TTC28: variants seen among roughly 807,000 people sequenced by gnomAD.
The protein encoded by TTC28 is tetratricopeptide repeat protein 28.
A neutral mutation model predicts 198.0 loss-of-function variants in TTC28; 61 were observed. The ratio of observed to expected loss-of-function variants is 0.31; its 90% confidence interval spans 0.25 to 0.38. The LOEUF (loss-of-function observed/expected upper bound fraction) is 0.38, where lower values mean the gene tolerates loss of function less well. Among genes scored for constraint, TTC28 ranks in the 10% least tolerant of loss-of-function variants. The pLI, the probability that TTC28 is intolerant of heterozygous loss-of-function variation, is 1.00. For synonymous variants in TTC28, 1,171 were observed against 1,297.8 expected (o/e 0.90, Z 2.10); for missense variants, 2,678 against 3,164.0 (o/e 0.85, Z 3.69).
intron 2 of TTC28, among the ~76,000 whole-genome samples, chr22:28,308,756 T>C (rs952775371): frequency 2.6e-5 from 4 of 152,194 alleles, no homozygotes; most frequent in Non-Finnish European, 4.4e-5. Flanking sequence ...CTTGGTTTCC[T>C]TTCTTCAAGA....
intron 17 of TTC28, among the ~76,000 whole-genome samples, chr22:27,995,774 G>C (rs1185835072): frequency 6.6e-6 from 1 of 152,196 alleles, no homozygotes; most frequent in East Asian, 1.9e-4. Flanking sequence ...AAGCTGCTAG[G>C]TTGTGGGTCA....
intron 12 of TTC28, among the ~76,000 whole-genome samples, chr22:28,051,934 G>A (rs1940103046): frequency 6.6e-6 from 1 of 152,040 alleles, no homozygotes; most frequent in Non-Finnish European, 1.5e-5. Context: ...AGCAGGGGTC[G>A]CCCAAGTCAT....
chr22:28,641,184 C>A (rs976343775), intron 1 of TTC28, among the ~76,000 whole-genome samples: 2 of 151,938 alleles, frequency 1.3e-5, no homozygotes, highest in Admixed American at 1.3e-4. Flanking sequence ...ATTAGCCGGG[C>A]GTGGTGGCGC....
chr22:28,347,271 G>GAAAAAAAA (rs201082591), intron 2 of TTC28, among the ~76,000 whole-genome samples: 1 of 115,858 alleles, frequency 8.6e-6, no homozygotes. Context: ...CTCAAAAGAG[G>GAAAAAAAA]AAAAAAAAAA....
intron 5 of TTC28, among the ~76,000 whole-genome samples, chr22:28,204,136 G>GT (rs1475482330): frequency 6.6e-6 from 1 of 152,060 alleles, no homozygotes; most frequent in African/African-American, 2.4e-5. Flanking sequence ...GCATGTGTCT[G>GT]TTGCATAGAC....
At chr22:28,015,952 T>G (rs1432328029) in intron 13 of TTC28, among the ~76,000 whole-genome samples, 1 of 151,750 alleles carries the variant, frequency 6.6e-6, no homozygotes, top group Non-Finnish European at 1.5e-5. Context: ...GACATCAAAA[T>G]AAATTATTTG....
intron 2 of TTC28, among the ~76,000 whole-genome samples, chr22:28,363,949 C>T (rs1386538534): frequency 2.0e-5 from 3 of 152,038 alleles, no homozygotes; most frequent in Non-Finnish European, 2.9e-5. Flanking sequence ...AAGGGACTTG[C>T]CTTGTTTTGG....
chr22:28,396,397 C>A (rs1014909904), intron 2 of TTC28, among the ~76,000 whole-genome samples: 13 of 152,162 alleles, frequency 8.5e-5, no homozygotes, highest in East Asian at 3.8e-4. Flanking sequence ...CCACATAGCT[C>A]AACTTGTAAA....
rs537467969 is a variant in TTC28, at chr22:27,988,348, C to T, written c.5707+1530G>A. 5.6e-5 allele frequency among the ~76,000 whole-genome samples: 8 copies of T among 143,966 alleles called. No homozygotes were observed. In the South Asian group the frequency reaches 1.1e-3, roughly 20 times the overall value. 94.4% of individuals were successfully genotyped at this position (143,966 alleles called of 152,430 possible). On this transcript the variant is annotated intron_variant, in intron 21 of 22. Transcript: ENST00000397906. ...TGTCGCCCAGGCTGGAGTACAGTGG[C>T]GCGATCTCGGCTCACAGCAACCTCC...
intron 2 of TTC28, among the ~76,000 whole-genome samples, chr22:28,416,091 C>A (rs924359670): frequency 5.3e-5 from 8 of 152,062 alleles, no homozygotes; most frequent in African/African-American, 1.7e-4. Flanking sequence ...TAAAACTTTC[C>A]CTATCTATTC....
At chr22:28,611,315 G>C (rs1027933446) in intron 2 of TTC28, among the ~76,000 whole-genome samples, 1 of 152,092 alleles carries the variant, frequency 6.6e-6, no homozygotes, top group Non-Finnish European at 1.5e-5. Context: ...CAGCCAGAGA[G>C]AAAGGTCAGG....
intron 8 of TTC28, among the ~76,000 whole-genome samples, chr22:28,103,398 G>A (rs1942211666): frequency 6.6e-6 from 1 of 152,198 alleles, no homozygotes; most frequent in Admixed American, 6.5e-5. Flanking sequence ...CCCCACCTGT[G>A]AGAGTCTATT....
intron 5 of TTC28, among the ~76,000 whole-genome samples, chr22:28,292,504 G>A (rs1413532570): frequency 6.6e-6 from 1 of 152,138 alleles, no homozygotes; most frequent in African/African-American, 2.4e-5. Flanking sequence ...GGGATTATAG[G>A]CATGAGCCAC....
chr22:28,293,419 C>G (rs1364369646), intron 5 of TTC28, among the ~76,000 whole-genome samples: 1 of 151,906 alleles, frequency 6.6e-6, no homozygotes, highest in African/African-American at 2.4e-5. Context: ...TCTAAAATAG[C>G]TGAATTCATG....
At chr22:28,038,288 C>T (rs1939448945) in intron 12 of TTC28, among the ~76,000 whole-genome samples, 2 of 152,132 alleles carry the variant, frequency 1.3e-5, no homozygotes, top group South Asian at 2.1e-4. Context: ...GCTACAGTAA[C>T]CAAAACAGCA....
chr22:28,614,002 T>G (rs1351936207), intron 2 of TTC28, among the ~76,000 whole-genome samples: 1 of 152,188 alleles, frequency 6.6e-6, no homozygotes, highest in Non-Finnish European at 1.5e-5. Context: ...GGAAGTCAAA[T>G]TGTCTCTGTT....
chr22:28,059,987 T>C (rs2146732996), intron 12 of TTC28, among the ~76,000 whole-genome samples: 1 of 147,352 alleles, frequency 6.8e-6, no homozygotes, highest in South Asian at 2.2e-4. Context: ...CATTTAACAA[T>C]GTCCTTTAAT....
chr22:28,041,178 A>G (rs1460170089), intron 12 of TTC28, among the ~76,000 whole-genome samples: 1 of 152,212 alleles, frequency 6.6e-6, no homozygotes, highest in Non-Finnish European at 1.5e-5. Context: ...TATAGATTCA[A>G]TGCTATCCCC....
chr22:28,119,566 C>T (rs1204612876), intron 6 of TTC28, among the ~76,000 whole-genome samples: 2 of 152,172 alleles, frequency 1.3e-5, no homozygotes, highest in African/African-American at 4.8e-5. Context: ...AGGAAGTGCC[C>T]TTACAGGGCC....
Sources: gnomAD v4.1 joint callset for allele counts (sites outside exome capture counted in the v4.1 genomes callset) on GRCh38, gnomAD v4.1.1 for gene constraint, MANE v1.5 for transcripts, NCBI Gene and HGNC (gene_info 2026-07-23, HGNC 2026-07-21) for gene names.